Variants in PIGZ observed in about 807,000 individuals in gnomAD.
PIGZ encodes the protein GPI alpha-1,2-mannosyltransferase 4.
Under a neutral mutation model 16.4 loss-of-function variants are expected in PIGZ, and 16 were observed. That is an observed-to-expected ratio of 0.97 (90% CI 0.66 to 1.48). PIGZ has a LOEUF of 1.48. PIGZ is among the 40% of genes most tolerant of loss of function. The pLI is 0.00. For missense variants in PIGZ, 770 were observed against 739.2 expected, an observed-to-expected ratio of 1.04 and a Z score of -0.48; for synonymous variants, 409 against 338.4, an observed-to-expected ratio of 1.21 and a Z score of -2.29.
chr3:196,948,695 G>T lies in PIGZ; in HGVS notation c.212-10C>A. 6.9e-7 allele frequency: 1 copy of T among 1,442,486 alleles called. No individual in the cohort carries two copies. 89.4% of individuals were successfully genotyped at this position (1,442,486 alleles called of 1,614,324 possible). On this transcript the variant is annotated splice_polypyrimidine_tract_variant and intron_variant, in intron 2 of 2. Transcript: ENST00000412723. ...ACGCCCAGGATGTCCTCTGCAGAGA[G>T]AGGCAGAGGTGAGCCAGTACCAAGC...
In PIGZ at chr3:196,965,725, C is replaced by T. The variant is rs1211235662; in HGVS notation, c.-1+2962G>A. On this transcript the variant is annotated intron_variant, in intron 1 of 2. Transcript: ENST00000412723. This position sits in a 1 kb window ranked among gnomAD's most constrained non-coding sequence, Gnocchi z 4.2. ...TGCAGAATCTTTGGATGGCTGGAGG[C>T]CCTGGGTTGGTTGTTTCTGTTTGCA... Among the ~76,000 whole-genome samples, 1 of 152,108 alleles carries T rather than the reference C, an allele frequency of 6.6e-6. No individual in the cohort carries two copies. The highest frequency in any genetic ancestry group is 6.5e-5 in the Admixed American group (1 of 15,274).
rs1176303828 is a variant in PIGZ at position 196,968,421 on chromosome 3, A to G, written c.-1+266T>C. Among the ~76,000 whole-genome samples the G allele has an allele frequency of 2.0e-5, 3 of 152,136 alleles. No individual in the cohort carries two copies. The East Asian group carries it at 5.8e-4, about 29-fold the overall frequency. ...CCGTGCCCTGGAGTGGAGTTTACCC[A>G]CTGCCGCCCTTCCTGGGCAAATGTC... is the stretch of plus-strand genomic sequence containing the variant. On this transcript the variant is annotated intron_variant, in intron 1 of 2. Coordinates refer to ENST00000412723, the MANE Select transcript of PIGZ (RefSeq NM_025163.4).
intron 1 of PIGZ, among the ~76,000 whole-genome samples, chr3:196,964,826 TC>T (rs1717863440): frequency 6.6e-6 from 1 of 152,164 alleles, no homozygotes; most frequent in Non-Finnish European, 1.5e-5. Context: ...AACCTCTGCC[TC>T]CCAGGCTCTA....
At chr3:196,954,301 G>GT (rs67301616) in intron 1 of PIGZ, among the ~76,000 whole-genome samples, 1 of 151,706 alleles carries the variant, frequency 6.6e-6, no homozygotes, top group Admixed American at 6.6e-5. Flanking sequence ...TCAATAAAAA[G>GT]TTTTTTTTAA....
intron 1 of PIGZ, among the ~76,000 whole-genome samples, chr3:196,954,889 A>T (rs1717419102): frequency 6.6e-6 from 1 of 152,050 alleles, no homozygotes; most frequent in Non-Finnish European, 1.5e-5. Context: ...GAGTTCTATA[A>T]GTTGTCATTA....
chr3:196,956,873 C>A (rs1172370536), intron 1 of PIGZ, among the ~76,000 whole-genome samples: 1 of 152,168 alleles, frequency 6.6e-6, no homozygotes, highest in Non-Finnish European at 1.5e-5. Flanking sequence ...TGATATCAAA[C>A]ATACTTGTTG....
chr3:196,967,112 G>A (rs899698613), intron 1 of PIGZ, among the ~76,000 whole-genome samples: 2 of 151,978 alleles, frequency 1.3e-5, no homozygotes, highest in Non-Finnish European at 2.9e-5. Context: ...TGCTGGGCGC[G>A]GGGGGAGGCC....
chr3:196,948,849 CCTT>C (rs1179747571), intron 2 of PIGZ, among the ~76,000 whole-genome samples, 164 bp from the exon 3 acceptor site: 1 of 143,704 alleles, frequency 7.0e-6, no homozygotes, highest in Non-Finnish European at 1.5e-5. Context: ...CTCTCTCCCT[CCTT>C]CTTTCCCTTC....
rs1560181524 is a variant in PIGZ, at chr3:196,949,001, CTTCTCTTT to C, written c.212-324_212-317del. Among the ~76,000 whole-genome samples, 586 of 36,028 alleles carry C rather than the reference CTTCTCTTT, an allele frequency of 0.016. 164 individuals carry two copies. In the African/African-American group the frequency reaches 0.17, roughly 11 times the overall value. 23.6% of individuals were successfully genotyped at this position (36,028 alleles called of 152,430 possible). A position where few individuals can be genotyped will look rare whatever the true frequency, so the allele number is the denominator to read the frequency against. On this transcript the variant is annotated intron_variant, in intron 2 of 2. Transcript: ENST00000412723. ...CCCTCCCTTCCCTTCCTTCCCTTTA[CTTCTCTTT>C]CCCTCCCCTCCCTTCCCTTCCTTCC...
intron 1 of PIGZ, among the ~76,000 whole-genome samples, chr3:196,958,455 A>G: frequency 6.6e-6 from 1 of 152,128 alleles, no homozygotes; most frequent in East Asian, 1.9e-4. Context: ...ACATGGTGAA[A>G]CCCCGTCTCT....
chr3:196,964,297 C>A (rs1160763913), intron 1 of PIGZ, among the ~76,000 whole-genome samples: 1 of 152,150 alleles, frequency 6.6e-6, no homozygotes, highest in Non-Finnish European at 1.5e-5. Flanking sequence ...GATCCGCCCA[C>A]CTCGGCCTCC....
rs1716974873 is a variant in PIGZ, at chr3:196,947,804, T to A, written c.1093A>T (p.Ser365Cys). 6.2e-7 allele frequency: 1 copy of A among 1,608,082 alleles called. No homozygotes were observed. Among genetic ancestry groups the A allele is most frequent in the Admixed American group, 1.7e-5 (1 of 59,414 alleles). Reference sequence around the variant, plus strand: ...AGGAGAAGGAGATAGGACCTGGGGCTGGACAGCAGGCTCCGGGCACCCAGT... The same window carrying A: ...AGGAGAAGGAGATAGGACCTGGGGCAGGACAGCAGGCTCCGGGCACCCAGT... Reference protein sequence around the residue: ...RALGARSLLSSPRSYLLLLYF... With the variant: ...RALGARSLLSCPRSYLLLLYF... The change falls in exon 3 of 3, where the codon AGC becomes TGC. Residue 365 changes from serine (S) to cysteine (C), a missense_variant. Physicochemically the swap from Ser to Cys is moderately radical, Grantham distance 112 (BLOSUM62 -1). Transcript: ENST00000412723.
At chr3:196,952,333 G>T (rs1187731959) in intron 1 of PIGZ, among the ~76,000 whole-genome samples, 1 of 152,200 alleles carries the variant, frequency 6.6e-6, no homozygotes, top group African/African-American at 2.4e-5. Context: ...CATTTTATGT[G>T]TCCACTTGAC....
intron 1 of PIGZ, among the ~76,000 whole-genome samples, chr3:196,961,117 G>A (rs1456849477): frequency 2.6e-5 from 4 of 152,192 alleles, no homozygotes; most frequent in East Asian, 3.9e-4. Flanking sequence ...CTCATTCACC[G>A]GCTTCGTTGG....
intron 1 of PIGZ, among the ~76,000 whole-genome samples, chr3:196,967,479 A>T (rs1038076776): frequency 6.6e-6 from 1 of 152,196 alleles, no homozygotes; most frequent in African/African-American, 2.4e-5. Context: ...CATTTGGAGC[A>T]GGCTTTAAGA....
Position 196,948,653 on chromosome 3 carries a change from AG to A in PIGZ, c.243del (p.Trp82GlyfsTer17). 2.0e-6 allele frequency: 3 copies of A among 1,467,338 alleles called. No individual in the cohort carries two copies. The highest frequency in any genetic ancestry group is 2.7e-6 in the Non-Finnish European group (3 of 1,112,380). 90.9% of individuals were successfully genotyped at this position (1,467,338 alleles called of 1,614,324 possible). A position where few individuals can be genotyped will look rare whatever the true frequency, so the allele number is the denominator to read the frequency against. ...EDILGVQAAR[P>X]WEFYPSSSCR... Reference sequence around the variant, plus strand: ...CAGGAGCTGCTGGGGTAAAACTCCCAGGGCCGCGCGGCCTGAACGCCCAGGA... The same window carrying A: ...CAGGAGCTGCTGGGGTAAAACTCCCAGGCCGCGCGGCCTGAACGCCCAGGA... On this transcript the variant is annotated frameshift_variant, in exon 3 of 3. Transcript: ENST00000412723. LOFTEE classifies it low-confidence loss of function (END_TRUNC).
chr3:196,967,850 G>A (rs530343090), intron 1 of PIGZ, among the ~76,000 whole-genome samples: 20 of 152,316 alleles, frequency 1.3e-4, no homozygotes, highest in African/African-American at 3.6e-4. Flanking sequence ...ATCAAGGAGG[G>A]CGCACCATTT....
In PIGZ at chr3:196,947,912, G is replaced by A; in HGVS notation, c.985C>T (p.Leu329=). 1 of 1,613,946 alleles carries A rather than the reference G, an allele frequency of 6.2e-7. No homozygotes were observed. Among genetic ancestry groups the A allele is most frequent in the Non-Finnish European group, 8.5e-7 (1 of 1,179,928 alleles). The change falls in exon 3 of 3, where the codon CTG becomes TTG. Residue 329 remains leucine (L), a synonymous_variant. Coordinates refer to ENST00000412723, the MANE Select transcript of PIGZ (RefSeq NM_025163.4). ...GCAGCCTGCAGGGCCTGGGCATGCA[G>A]CACCCCGAAGAGCAGGAAGCCGTTG... ...AVNGFLLFGV[L]HAQALQAAWQ...
chr3:196,959,125 T>C (rs1231092141), intron 1 of PIGZ, among the ~76,000 whole-genome samples: 1 of 152,238 alleles, frequency 6.6e-6, no homozygotes, highest in Non-Finnish European at 1.5e-5. Context: ...ACTTCCGCTA[T>C]GGAGCAAGCC....
Sources: allele counts gnomAD v4.1 joint callset (sites outside exome capture counted in the v4.1 genomes callset), GRCh38; gene constraint gnomAD v4.1.1; non-coding constraint Gnocchi (gnomAD v3.1); transcripts MANE v1.5; gene names NCBI Gene and HGNC (gene_info 2026-07-23, HGNC 2026-07-21).